Variants in PCDHGB5 observed in about 807,000 individuals in gnomAD.
The protein encoded by PCDHGB5 is protocadherin gamma-B5.
Under a neutral mutation model 62.9 loss-of-function variants are expected in PCDHGB5, and 48 were observed. That is an observed-to-expected ratio of 0.76 (90% CI 0.61 to 0.97). The LOEUF is 0.97. Among genes scored for constraint, PCDHGB5 ranks in the 50% least tolerant of loss-of-function variants. The probability of loss-of-function intolerance (pLI) is 0.00; values close to 1 mark genes in which losing one functional copy is unlikely to be tolerated. For synonymous variants in PCDHGB5, 474 were observed against 511.2 expected, an observed-to-expected ratio of 0.93 and a Z score of 0.98; for missense variants, 1,118 against 1,198.6, an observed-to-expected ratio of 0.93 and a Z score of 0.99.
At chr5:141,492,216 C>T (rs1163022229) in intron 1 of PCDHGB5, among the ~76,000 whole-genome samples, 1 of 152,140 alleles carries the variant, frequency 6.6e-6, no homozygotes, top group Non-Finnish European at 1.5e-5. Context: ...GCGCGGGGCT[C>T]ATGCGTGTCC....
chr5:141,408,824 C>T, intron 1 of PCDHGB5: 1 of 1,613,560 alleles, frequency 6.2e-7, no homozygotes, highest in South Asian at 1.1e-5. Context: ...ACAGAGATCT[C>T]ATAGCTTGAT....
intron 3 of PCDHGB5, among the ~76,000 whole-genome samples, chr5:141,509,336 GC>G (rs2099876304): frequency 6.6e-6 from 1 of 152,178 alleles, no homozygotes; most frequent in Non-Finnish European, 1.5e-5. Context: ...TGCCAGCTGG[GC>G]CTGGGCTGGC....
chr5:141,478,137 G>A (rs762316494), intron 1 of PCDHGB5: 13 of 1,613,872 alleles, frequency 8.1e-6, no homozygotes, highest in African/African-American at 8.0e-5. Context: ...CCTGAAGCCC[G>A]AGCCGAGTTC....
chr5:141,473,362 C>G (rs2099320242), intron 1 of PCDHGB5, among the ~76,000 whole-genome samples: 1 of 152,166 alleles, frequency 6.6e-6, no homozygotes, highest in South Asian at 2.1e-4. Flanking sequence ...AAGTGGCCAC[C>G]AAAATAGCAT....
rs2095330785 is a variant in PCDHGB5 at position 141,409,884 on chromosome 5, G to C, written c.2397+9360G>C. The C allele has an allele frequency of 1.9e-6, 3 of 1,612,952 alleles. No individual in the cohort carries two copies. In the South Asian group the frequency reaches 3.3e-5, roughly 18 times the overall value. On this transcript the variant is annotated intron_variant, in intron 1 of 3. Transcript: ENST00000617380. ...GGAGACCGCAATGACAACGCACCGC[G>C]GGTGCTGTACCCAGCTCTGGGTCCT...
rs908511447 is a variant in PCDHGB5, at chr5:141,398,248, A to G, written c.121A>G (p.Met41Val). The change falls in exon 1 of 4, where the codon ATG becomes GTG. Residue 41 changes from methionine to valine, a missense_variant. This residue lies in a region of PCDHGB5 where 84 missense variants were observed against 169.5 expected (regional missense o/e 0.50). Transcript: ENST00000617380. ...GATCCGCTACAGGATTCCCGAGGAA[A>G]TGCCCAAGGGCTCCGTAGTGGGGAA... ...EQIRYRIPEE[M>V]PKGSVVGNLA... 2 of 1,472,692 alleles carry G rather than the reference A, an allele frequency of 1.4e-6. No individual in the cohort carries two copies. Among genetic ancestry groups the G allele is most frequent in the African/African-American group, 2.9e-5 (2 of 69,986 alleles). The allele number at this position is 1,472,692 out of a possible 1,614,324, so 91.2% of individuals were successfully genotyped here. A position where few individuals can be genotyped will look rare whatever the true frequency, so the allele number is the denominator to read the frequency against.
intron 1 of PCDHGB5, chr5:141,415,170 C>T (rs781724309): frequency 3.7e-6 from 6 of 1,613,878 alleles, no homozygotes; most frequent in South Asian, 2.2e-5. Flanking sequence ...TCACGCTCAC[C>T]GTGGCCGTGG....
chr5:141,489,206 C>A lies in PCDHGB5; in HGVS notation c.2398-5601C>A. On this transcript the variant is annotated intron_variant, in intron 1 of 3. Transcript: ENST00000617380. This position sits in a 1 kb window ranked among gnomAD's most constrained non-coding sequence, Gnocchi z 4.5. ...TGGGTCTACCTTGGAGACAGGACAG[C>A]ACAGACTTACTCTCCACAAAGGGAC... 2 of 1,439,024 alleles carry A rather than the reference C, an allele frequency of 1.4e-6. No individual in the cohort carries two copies. Among genetic ancestry groups the A allele is most frequent in the Non-Finnish European group, 1.9e-6 (2 of 1,060,928 alleles). 89.1% of individuals were successfully genotyped at this position (1,439,024 alleles called of 1,614,324 possible). A position where few individuals can be genotyped will look rare whatever the true frequency, so the allele number is the denominator to read the frequency against.
rs2099427993 is a variant in PCDHGB5, at chr5:141,477,978, T to C, written c.2398-16829T>C. Reference sequence around the variant, plus strand: ...TCCCCTAACCAGAGCCTTTTTGCCATAGGGCTGCACACTGGTCAAATCAGT... The same window carrying C: ...TCCCCTAACCAGAGCCTTTTTGCCACAGGGCTGCACACTGGTCAAATCAGT... On this transcript the variant is annotated intron_variant, in intron 1 of 3. Coordinates refer to ENST00000617380, the MANE Select transcript of PCDHGB5 (RefSeq NM_018925.3). This position sits in a 1 kb window ranked among gnomAD's most constrained non-coding sequence, Gnocchi z 4.9. 6.2e-7 allele frequency: 1 copy of C among 1,614,120 alleles called. No individual in the cohort carries two copies. Among genetic ancestry groups the C allele is most frequent in the Non-Finnish European group, 8.5e-7 (1 of 1,180,022 alleles).
intron 1 of PCDHGB5, among the ~76,000 whole-genome samples, chr5:141,443,690 A>C (rs2098399415): frequency 6.6e-6 from 1 of 152,224 alleles, no homozygotes; most frequent in Non-Finnish European, 1.5e-5. Flanking sequence ...AACACTTCAA[A>C]AATTATAGAA....
chr5:141,478,549 A>G lies in PCDHGB5; in HGVS notation c.2398-16258A>G, dbSNP rs369095515. 8 of 1,602,904 alleles carry G rather than the reference A, an allele frequency of 5.0e-6. No individual in the cohort carries two copies. In the African/African-American group the frequency reaches 1.1e-4, roughly 21 times the overall value. On this transcript the variant is annotated intron_variant, in intron 1 of 3. Coordinates refer to ENST00000617380, the MANE Select transcript of PCDHGB5 (RefSeq NM_018925.3). ...CAGAGAGCGCCCCTCCCGGACAGGT[A>G]AGGTTTAGCAAGTCATGCTTGACCC...
Position 141,490,600 on chromosome 5 carries a change from T to G in PCDHGB5, c.2398-4207T>G. 6.2e-7 allele frequency: 1 copy of G among 1,614,164 alleles called. No homozygotes were observed. Among genetic ancestry groups the G allele is most frequent in the South Asian group, 1.1e-5 (1 of 91,072 alleles). ...AGATGTCAATGACAATGCACCCCGCTTCAACCAGCAGCTTTACACTGCTTA... is the reference window on the plus strand; with the variant it reads ...AGATGTCAATGACAATGCACCCCGCGTCAACCAGCAGCTTTACACTGCTTA... On this transcript the variant is annotated intron_variant, in intron 1 of 3. Coordinates refer to ENST00000617380, the MANE Select transcript of PCDHGB5 (RefSeq NM_018925.3). The surrounding 1 kb of genome is among the most constrained non-coding windows in gnomAD (Gnocchi z 5.4).
chr5:141,422,703 G>GA, intron 1 of PCDHGB5: 1 of 1,603,132 alleles, frequency 6.2e-7, no homozygotes, highest in African/African-American at 1.3e-5. Context: ...CTTACTCTCT[G>GA]ACGGATGACA....
At chr5:141,470,736 C>A (rs541510544) in intron 1 of PCDHGB5, among the ~76,000 whole-genome samples, 1 of 152,092 alleles carries the variant, frequency 6.6e-6, no homozygotes, top group Non-Finnish European at 1.5e-5. Context: ...CTTGCTCTGT[C>A]GCCCTGGCTG....
chr5:141,428,307 C>A, intron 1 of PCDHGB5: 1 of 688,030 alleles, frequency 1.5e-6, no homozygotes, highest in South Asian at 1.6e-5. Flanking sequence ...TTTACCTGGT[C>A]GTGGCCTTGG....
In PCDHGB5 at chr5:141,431,318, G is replaced by T. The variant is rs1309389474; in HGVS notation, c.2397+30794G>T. The T allele has an allele frequency of 6.2e-7, 1 of 1,614,086 alleles. No individual in the cohort carries two copies. Among genetic ancestry groups the T allele is most frequent in the African/African-American group, 1.3e-5 (1 of 75,050 alleles). ...CTCCCTCATCGTGCAAAATGGAGCCGACGGTAGTAAGTACCCCGAATTGGT... is the reference window on the plus strand; with the variant it reads ...CTCCCTCATCGTGCAAAATGGAGCCTACGGTAGTAAGTACCCCGAATTGGT... On this transcript the variant is annotated intron_variant, in intron 1 of 3. Coordinates refer to ENST00000617380, the MANE Select transcript of PCDHGB5 (RefSeq NM_018925.3). The surrounding 1 kb of genome is among the most constrained non-coding windows in gnomAD (Gnocchi z 4.8).
chr5:141,437,622 A>G (rs1007643306), intron 1 of PCDHGB5, among the ~76,000 whole-genome samples: 2 of 152,192 alleles, frequency 1.3e-5, no homozygotes, highest in Non-Finnish European at 2.9e-5. Flanking sequence ...TTATCCCCAT[A>G]TAAGATGTCA....
intron 1 of PCDHGB5, chr5:141,478,259 T>G: frequency 6.2e-7 from 1 of 1,614,182 alleles, no homozygotes. Context: ...AGTAATCATA[T>G]TCAAAGTTTA....
chr5:141,432,395 G>C lies in PCDHGB5; in HGVS notation c.2397+31871G>C, dbSNP rs748660079. The C allele has an allele frequency of 1.2e-6, 2 of 1,614,242 alleles. No homozygotes were observed. The highest frequency in any genetic ancestry group is 4.5e-5 in the East Asian group (2 of 44,882). On this transcript the variant is annotated intron_variant, in intron 1 of 3. Coordinates refer to ENST00000617380, the MANE Select transcript of PCDHGB5 (RefSeq NM_018925.3). The surrounding 1 kb of genome is among the most constrained non-coding windows in gnomAD (Gnocchi z 6.0). The stretch of plus-strand genomic sequence containing the variant: ...CGGGCACCCGCCCCTCAGCAGCAAC[G>C]TGTCGTTGAGCCTGTTCGTGCTGGA...
Sources: gnomAD v4.1 joint callset for allele counts (sites outside exome capture counted in the v4.1 genomes callset) on GRCh38, gnomAD v4.1.1 for gene constraint, gnomAD v4.1.1 regional missense constraint, Gnocchi (gnomAD v3.1) non-coding constraint, MANE v1.5 for transcripts, NCBI Gene and HGNC (gene_info 2026-07-23, HGNC 2026-07-21) for gene names.